IPPK: variants seen among roughly 807,000 people sequenced by gnomAD.
The protein encoded by IPPK is IPK1 homolog.
A neutral mutation model predicts 64.6 loss-of-function variants in IPPK; 22 were observed. That is an observed-to-expected ratio of 0.34 (90% CI 0.24 to 0.49). The LOEUF (loss-of-function observed/expected upper bound fraction) is 0.49. Among genes scored for constraint, IPPK ranks in the 20% least tolerant of loss-of-function variants. IPPK has a pLI of 0.99. For missense variants in IPPK, 532 were observed against 630.7 expected, an observed-to-expected ratio of 0.84 and a Z score of 1.68; for synonymous variants, 262 against 247.2, an observed-to-expected ratio of 1.06 and a Z score of -0.56.
At chr9:92,667,998 G>A (rs1466538263) in intron 1 of IPPK, among the ~76,000 whole-genome samples, 2 of 150,806 alleles carry the variant, frequency 1.3e-5, no homozygotes, top group Admixed American at 6.6e-5. Flanking sequence ...AACCTGGCGT[G>A]GTGGCTCACG....
chr9:92,642,912 C>T, intron 6 of IPPK, 102 bp from the exon 7 acceptor site: 1 of 954,482 alleles, frequency 1.0e-6, no homozygotes, highest in Non-Finnish European at 1.7e-6. Context: ...ACAATGAAGA[C>T]GAGCTGCAGC....
chr9:92,650,743 T>A (rs957596059), intron 4 of IPPK, among the ~76,000 whole-genome samples: 1 of 152,182 alleles, frequency 6.6e-6, no homozygotes, highest in South Asian at 2.1e-4. Flanking sequence ...GATGGTCCCC[T>A]AATTCCACAA....
intron 5 of IPPK, among the ~76,000 whole-genome samples, chr9:92,648,761 G>A (rs1852198043): frequency 6.6e-6 from 1 of 152,348 alleles, no homozygotes; most frequent in East Asian, 1.9e-4. Context: ...CTTAGAGTTG[G>A]AGGAGGGGAA....
chr9:92,633,614 C>A (rs1851884655), intron 11 of IPPK, among the ~76,000 whole-genome samples: 1 of 152,186 alleles, frequency 6.6e-6, no homozygotes, highest in Non-Finnish European at 1.5e-5. Context: ...AATTCTCCCA[C>A]CTCAGCCTCC....
chr9:92,635,262 C>G lies in IPPK; in HGVS notation c.963G>C (p.Leu321=), dbSNP rs1851918564. The change falls in exon 10 of 13, where the codon CTG becomes CTC. Residue 321 remains leucine (L), a synonymous_variant. Coordinates refer to ENST00000287996, the MANE Select transcript of IPPK (RefSeq NM_022755.6). This position sits in a 1 kb window ranked among gnomAD's most constrained non-coding sequence, Gnocchi z 4.4. ...ACATCTGCACCTGGAGGGTTTTGTA[C>G]AGAAGACAGCCCTTCGGTAACCCCG... ...ERSGLPKGCL[L]YKTLQVQMLD... 6.2e-7 allele frequency: 1 copy of G among 1,614,178 alleles called. No homozygotes were observed. The highest frequency in any genetic ancestry group is 8.5e-7 in the Non-Finnish European group (1 of 1,180,016).
At chr9:92,626,264 GC>G (rs1407934883) in intron 11 of IPPK, among the ~76,000 whole-genome samples, 1 of 152,138 alleles carries the variant, frequency 6.6e-6, no homozygotes, top group Non-Finnish European at 1.5e-5. Context: ...GGGCGTGGTG[GC>G]AGGCGCCTGT....
intron 11 of IPPK, among the ~76,000 whole-genome samples, chr9:92,626,690 A>G (rs886442799): frequency 7.2e-5 from 11 of 152,206 alleles, no homozygotes; most frequent in Admixed American, 2.6e-4. Context: ...TAAAAGACAT[A>G]AATCCACAAA....
chr9:92,667,990 C>A (rs1852635542), intron 1 of IPPK, among the ~76,000 whole-genome samples: 1 of 152,100 alleles, frequency 6.6e-6, no homozygotes, highest in South Asian at 2.1e-4. Context: ...AAACAATCAA[C>A]CTGGCGTGGT....
chr9:92,634,183 G>A (rs911595768), intron 11 of IPPK, among the ~76,000 whole-genome samples: 2 of 152,186 alleles, frequency 1.3e-5, no homozygotes, highest in African/African-American at 4.8e-5. Flanking sequence ...ACTCAACCAA[G>A]GGAAATTCCC....
intron 1 of IPPK, among the ~76,000 whole-genome samples, chr9:92,659,598 C>T (rs1269238165): frequency 2.0e-5 from 3 of 152,084 alleles, no homozygotes; most frequent in Non-Finnish European, 4.4e-5. Context: ...AACGGCAGTG[C>T]AAAGGTGGGG....
At chr9:92,623,433 CAA>C (rs538116710) in intron 11 of IPPK, among the ~76,000 whole-genome samples, 13 of 71,832 alleles carry the variant, frequency 1.8e-4, no homozygotes, top group Non-Finnish European at 1.7e-4. Flanking sequence ...GACTCCGTCT[CAA>C]AAAAAAAAAA....
At position 92,615,943 on chromosome 9, in the gene IPPK, G is replaced by A. The variant is rs766204503; in HGVS notation, c.1365C>T (p.Asp455=). 83 of 1,613,916 alleles carry A rather than the reference G, an allele frequency of 5.1e-5. No individual in the cohort carries two copies. Among genetic ancestry groups the A allele is most frequent in the South Asian group, 6.6e-5 (6 of 91,076 alleles). The change falls in exon 13 of 13, where the codon GAC becomes GAT. Residue 455 remains aspartate (D), a synonymous_variant. Transcript: ENST00000287996. Reference sequence around the variant, plus strand: ...TTGAATAATAGTTGACGATCTTGCCGTCCAGTTTATACTGATGGGGAATGC... The same window carrying A: ...TTGAATAATAGTTGACGATCTTGCCATCCAGTTTATACTGATGGGGAATGC... The part of the protein sequence containing the change: ...YESIPHQYKL[D]GKIVNYYSKT...
Position 92,635,098 on chromosome 9 carries a change from C to A in IPPK, c.1067+60G>T. On this transcript the variant is annotated intron_variant, in intron 10 of 12. Coordinates refer to ENST00000287996, the MANE Select transcript of IPPK (RefSeq NM_022755.6). This position sits in a 1 kb window ranked among gnomAD's most constrained non-coding sequence, Gnocchi z 4.4. ...TGTGCCTTGGGAGGCGCATTCTTAC[C>A]CTGCCCACTCCCACAGTCTCCTCTC... 6.6e-7 allele frequency: 1 copy of A among 1,504,332 alleles called. No homozygotes were observed. The highest frequency in any genetic ancestry group is 9.0e-7 in the Non-Finnish European group (1 of 1,111,922). The allele number at this position is 1,504,332 out of a possible 1,614,324, so 93.2% of individuals were successfully genotyped here.
intron 6 of IPPK, among the ~76,000 whole-genome samples, chr9:92,645,793 A>C (rs1185156214): frequency 6.6e-6 from 1 of 152,116 alleles, no homozygotes; most frequent in Non-Finnish European, 1.5e-5. Context: ...GGAGAAATTA[A>C]GACATTGCCA....
At chr9:92,645,797 A>G (rs1487606996) in intron 6 of IPPK, among the ~76,000 whole-genome samples, 2 of 152,092 alleles carry the variant, frequency 1.3e-5, no homozygotes, top group Non-Finnish European at 2.9e-5. Flanking sequence ...AAATTAAGAC[A>G]TTGCCAAATA....
At chr9:92,636,087 C>G (rs1851937839) in intron 9 of IPPK, among the ~76,000 whole-genome samples, 1 of 152,172 alleles carries the variant, frequency 6.6e-6, no homozygotes. Context: ...GCCAAGTGAG[C>G]TTGGGAGGTA....
chr9:92,660,653 C>T (rs1198963662), intron 1 of IPPK, among the ~76,000 whole-genome samples: 1 of 152,202 alleles, frequency 6.6e-6, no homozygotes, highest in Admixed American at 6.5e-5. Flanking sequence ...GGCCCATGAA[C>T]AGAAATACCA....
chr9:92,636,531 C>T (rs1296138575), intron 9 of IPPK, among the ~76,000 whole-genome samples: 3 of 152,096 alleles, frequency 2.0e-5, no homozygotes, highest in Non-Finnish European at 4.4e-5. Context: ...GTCCCAGCTA[C>T]TCAGGAGGCT....
intron 9 of IPPK, among the ~76,000 whole-genome samples, chr9:92,637,669 C>CG (rs1344567111): frequency 6.6e-6 from 1 of 152,300 alleles, no homozygotes; most frequent in South Asian, 2.1e-4. Flanking sequence ...ACCTGTCCCC[C>CG]GGGTTGCAAT....
Sources: gnomAD v4.1 joint callset for allele counts (sites outside exome capture counted in the v4.1 genomes callset) on GRCh38, gnomAD v4.1.1 for gene constraint, Gnocchi (gnomAD v3.1) non-coding constraint, MANE v1.5 for transcripts, NCBI Gene and HGNC (gene_info 2026-07-23, HGNC 2026-07-21) for gene names.